FLACC1: variants seen among roughly 807,000 people sequenced by gnomAD.
FLACC1 encodes the protein flagellum-associated coiled-coil domain-containing protein 1.
In FLACC1, 66 loss-of-function variants were observed where a neutral mutation model predicts 62.8. That is an observed-to-expected ratio of 1.05 (90% CI 0.86 to 1.29). FLACC1 has a LOEUF of 1.29. Ranked by LOEUF, FLACC1 falls within the 50% of genes most tolerant of loss-of-function variation. The pLI is 0.00. For missense variants in FLACC1, 452 were observed against 489.1 expected (o/e 0.92, Z 0.71); for synonymous variants, 156 against 161.0 (o/e 0.97, Z 0.24).
At chr2:201,320,567 C>T (rs1008580443) in intron 9 of FLACC1, among the ~76,000 whole-genome samples, 82 of 152,222 alleles carry the variant, frequency 5.4e-4, no homozygotes, top group Non-Finnish European at 1.6e-4. Flanking sequence ...TGCTTCTCCT[C>T]ACTCTGCACA....
chr2:201,333,929 A>G (rs1300532786), intron 7 of FLACC1, among the ~76,000 whole-genome samples: 3 of 152,168 alleles, frequency 2.0e-5, no homozygotes, highest in African/African-American at 7.2e-5. Context: ...CAGTAATGGG[A>G]TGGCTGGATC....
intron 4 of FLACC1, among the ~76,000 whole-genome samples, chr2:201,347,182 C>T (rs903831696): frequency 2.0e-5 from 3 of 152,226 alleles, no homozygotes; most frequent in African/African-American, 7.2e-5. Flanking sequence ...ATGTCATTTC[C>T]TCCTCCTTTT....
chr2:201,310,885 T>C (rs2125565874), intron 9 of FLACC1, among the ~76,000 whole-genome samples: 1 of 152,122 alleles, frequency 6.6e-6, no homozygotes, highest in Admixed American at 6.5e-5. Flanking sequence ...GCAAGACCGA[T>C]AGAGTGCTAG....
At chr2:201,335,479 T>C (rs1950675084) in intron 7 of FLACC1, among the ~76,000 whole-genome samples, 1 of 152,150 alleles carries the variant, frequency 6.6e-6, no homozygotes, top group Non-Finnish European at 1.5e-5. Context: ...TTGTCAAAAA[T>C]CAGTTGGCTA....
intron 12 of FLACC1, among the ~76,000 whole-genome samples, chr2:201,293,863 A>C (rs1415697337): frequency 6.6e-6 from 1 of 152,198 alleles, no homozygotes; most frequent in Non-Finnish European, 1.5e-5. Context: ...CCACAGAACT[A>C]CAAACTACCA....
At chr2:201,360,643 C>T (rs1386954490), upstream of FLACC1, among the ~76,000 whole-genome samples, 1 of 152,176 alleles carries the variant, frequency 6.6e-6, no homozygotes, top group Non-Finnish European at 1.5e-5. Flanking sequence ...TGAATAGACC[C>T]GACCAGGTAG....
rs1171376765 is a variant in FLACC1, at chr2:201,344,105, A to G, written c.462+65T>C. ...GTGCTTGGCATTTTGCCTGGCACAT[A>G]GGTGATTCAAAAATATTAATTTTAT... On this transcript the variant is annotated intron_variant, in intron 6 of 14. Coordinates refer to ENST00000392257, the MANE Select transcript of FLACC1 (RefSeq NM_001127391.3). The G allele has an allele frequency of 6.3e-6, 9 of 1,429,586 alleles. No homozygotes were observed. In the African/African-American group the frequency reaches 1.3e-4, roughly 20 times the overall value. 88.6% of individuals were successfully genotyped at this position (1,429,586 alleles called of 1,614,324 possible).
At chr2:201,301,287 C>A (rs182708843) in intron 11 of FLACC1, among the ~76,000 whole-genome samples, 1 of 152,260 alleles carries the variant, frequency 6.6e-6, no homozygotes, top group East Asian at 1.9e-4. Context: ...GATGCACGCA[C>A]AAGCTTCAGT....
chr2:201,319,887 T>C (rs1044834611), intron 9 of FLACC1, among the ~76,000 whole-genome samples: 1 of 152,160 alleles, frequency 6.6e-6, no homozygotes, highest in African/African-American at 2.4e-5. Flanking sequence ...TACAGACCCT[T>C]TGAAGGAAGC....
At chr2:201,323,792 A>AAAAAAAAAT (rs1950450052) in intron 9 of FLACC1, among the ~76,000 whole-genome samples, 1 of 139,974 alleles carries the variant, frequency 7.1e-6, no homozygotes, top group Non-Finnish European at 1.6e-5. Flanking sequence ...ATCAAAAAAA[A>AAAAAAAAAT]AAAAAAAAAA....
Position 201,346,025 on chromosome 2 carries a change from C to T in FLACC1, c.368+517G>A, listed in dbSNP as rs1264632181. ...ACTAAAGCTATAAATATTAGCCGGGCGTCATGGTGCAAGCCTGTAATCCTA... is the reference window on the plus strand; with the variant it reads ...ACTAAAGCTATAAATATTAGCCGGGTGTCATGGTGCAAGCCTGTAATCCTA... On this transcript the variant is annotated intron_variant, in intron 5 of 14. Transcript: ENST00000392257. This position sits in a 1 kb window ranked among gnomAD's most constrained non-coding sequence, Gnocchi z 4.0. Among the ~76,000 whole-genome samples the T allele has an allele frequency of 2.6e-5, 4 of 152,014 alleles. No homozygotes were observed. The highest frequency in any genetic ancestry group is 4.4e-5 in the Non-Finnish European group (3 of 68,014).
intron 9 of FLACC1, among the ~76,000 whole-genome samples, chr2:201,314,780 G>A (rs1026990312): frequency 1.6e-4 from 25 of 152,186 alleles, no homozygotes; most frequent in African/African-American, 6.0e-4. Context: ...TAAGAGCTGT[G>A]AGGCAAAAGC....
intron 12 of FLACC1, among the ~76,000 whole-genome samples, chr2:201,295,758 C>T (rs968278423): frequency 1.3e-5 from 2 of 152,128 alleles, no homozygotes; most frequent in African/African-American, 4.8e-5. Context: ...TTGCAACCTA[C>T]TCATCTGACA....
upstream of FLACC1, among the ~76,000 whole-genome samples, chr2:201,357,557 A>G (rs550302646): frequency 2.0e-5 from 3 of 152,376 alleles, no homozygotes; most frequent in Admixed American, 6.5e-5. Context: ...TTTCGTCATC[A>G]GTCATGGGAC....
chr2:201,320,235 C>T (rs1247269727), intron 9 of FLACC1, among the ~76,000 whole-genome samples: 2 of 152,346 alleles, frequency 1.3e-5, no homozygotes, highest in African/African-American at 2.4e-5. Context: ...AAGAAGCCTC[C>T]AACTGGGTTT....
chr2:201,315,422 C>A (rs2125573321), intron 9 of FLACC1, among the ~76,000 whole-genome samples: 1 of 152,166 alleles, frequency 6.6e-6, no homozygotes, highest in Admixed American at 6.5e-5. Context: ...TCAGACAAGA[C>A]AAACTTTAAA....
At chr2:201,362,704 A>G in the FLACC1 span, among the ~76,000 whole-genome samples, 1 of 152,216 alleles carries the variant, frequency 6.6e-6, no homozygotes, top group Non-Finnish European at 1.5e-5. Flanking sequence ...GAAAAGACAT[A>G]GAGAAAAGCT....
At chr2:201,351,006 C>T (rs1951017250) in intron 2 of FLACC1, among the ~76,000 whole-genome samples, 1 of 152,182 alleles carries the variant, frequency 6.6e-6, no homozygotes, top group South Asian at 2.1e-4. Flanking sequence ...AGCTCTTTAT[C>T]CCACATGAAG....
intron 4 of FLACC1, among the ~76,000 whole-genome samples, chr2:201,347,460 A>T (rs1362415624): frequency 6.6e-6 from 1 of 152,182 alleles, no homozygotes; most frequent in Admixed American, 6.5e-5. Context: ...CTAGAGGGCA[A>T]TTATATTTTT....
Sources: allele counts gnomAD v4.1 joint callset (sites outside exome capture counted in the v4.1 genomes callset), GRCh38; gene constraint gnomAD v4.1.1; non-coding constraint Gnocchi (gnomAD v3.1); transcripts MANE v1.5; gene names NCBI Gene and HGNC (gene_info 2026-07-23, HGNC 2026-07-21).